SLC11A2: variants seen among roughly 807,000 people sequenced by gnomAD.
The protein encoded by SLC11A2 is solute carrier family 11 member 2, also known as natural resistance-associated macrophage protein 2.
In SLC11A2, 38 loss-of-function variants were observed where a neutral mutation model predicts 68.0. The observed-to-expected ratio is 0.56, with a 90% CI of 0.43 to 0.73. The LOEUF (loss-of-function observed/expected upper bound fraction) is 0.73, where lower values mean the gene tolerates loss of function less well. Ranked by LOEUF, SLC11A2 falls within the 30% of genes least tolerant of loss-of-function variation. The pLI, the probability that SLC11A2 is intolerant of heterozygous loss-of-function variation, is 0.00. For missense variants in SLC11A2, 517 were observed against 690.5 expected (o/e 0.75, Z 2.82); for synonymous variants, 242 against 250.6 (o/e 0.97, Z 0.32).
At chr12:51,016,672 A>G (rs1223056525) in intron 1 of SLC11A2, among the ~76,000 whole-genome samples, 1 of 98,448 alleles carries the variant, frequency 1.0e-5, no homozygotes, top group Non-Finnish European at 2.0e-5. Flanking sequence ...GCAGGGGGAG[A>G]CTCCATCTCA....
chr12:51,013,183 C>T (rs545905330), intron 1 of SLC11A2, among the ~76,000 whole-genome samples: 1 of 152,190 alleles, frequency 6.6e-6, no homozygotes, highest in African/African-American at 2.4e-5. Context: ...ATGAGGCAAA[C>T]AGTCCTTCCT....
chr12:51,010,891 G>C (rs1943163985), intron 1 of SLC11A2, 125 bp from the exon 2 acceptor site: 1 of 499,206 alleles, frequency 2.0e-6, no homozygotes. Context: ...TACTGAATTA[G>C]GTAACCTTGA....
intron 1 of SLC11A2, among the ~76,000 whole-genome samples, chr12:51,015,866 A>G (rs1480525563): frequency 1.3e-5 from 2 of 152,214 alleles, no homozygotes; most frequent in Non-Finnish European, 2.9e-5. Flanking sequence ...TCATGGTTAA[A>G]TGTAATATGA....
At chr12:50,979,976 A>G (rs775795278), downstream of SLC11A2, 6 of 453,732 alleles carry the variant, frequency 1.3e-5, no homozygotes, top group African/African-American at 1.2e-4. Context: ...CTATAATCTC[A>G]GCACTTTGGG....
chr12:51,027,032 C>G (rs35656976), upstream of SLC11A2, among the ~76,000 whole-genome samples: 2 of 151,974 alleles, frequency 1.3e-5, no homozygotes, highest in African/African-American at 2.4e-5. Context: ...CAAAATTAGC[C>G]GGGCGTGGTG....
intron 15 of SLC11A2, among the ~76,000 whole-genome samples, chr12:50,989,789 A>G (rs72563145): frequency 1.3e-3 from 194 of 152,322 alleles, no homozygotes; most frequent in African/African-American, 4.6e-3. Context: ...TTAATAAAGT[A>G]TCTAATGTGT....
In SLC11A2 at chr12:51,008,615, GA is replaced by G; in HGVS notation, c.43del (p.Ser15LeufsTer66). On this transcript the variant is annotated frameshift_variant, in exon 3 of 16. Transcript: ENST00000262052. LOFTEE classifies it high-confidence loss of function. ...PEQKMSDDSVSGDHGESASLG... is the reference protein window; with the variant it reads ...PEQKMSDDSVXGDHGESASLG... ...ACTGGCAGACTCCCCATGATCTCCA[GA>G]AACACTGTCTGAATTAACAGATTTG... 6.2e-7 allele frequency: 1 copy of G among 1,611,890 alleles called. No homozygotes were observed. The highest frequency in any genetic ancestry group is 8.5e-7 in the Non-Finnish European group (1 of 1,178,088).
chr12:50,969,334 G>C, the SLC11A2 span, among the ~76,000 whole-genome samples: 1 of 151,922 alleles, frequency 6.6e-6, no homozygotes, highest in Non-Finnish European at 1.5e-5. Flanking sequence ...CAGATTTTGA[G>C]AGGCATGCTC....
At chr12:51,000,914 C>T (rs1442217046) in intron 5 of SLC11A2, among the ~76,000 whole-genome samples, 2 of 151,990 alleles carry the variant, frequency 1.3e-5, no homozygotes, top group East Asian at 3.9e-4. Context: ...ACCTGTAATC[C>T]CAGCACTTTG....
chr12:51,005,689 ATAACAG>A (rs1592382048), intron 3 of SLC11A2: 1 of 1,325,656 alleles, frequency 7.5e-7, no homozygotes, highest in East Asian at 4.7e-5. Context: ...TAAAACCAGA[ATAACAG>A]TATCAGTACC....
At chr12:50,952,789 G>A in the SLC11A2 span, among the ~76,000 whole-genome samples, 2 of 152,204 alleles carry the variant, frequency 1.3e-5, no homozygotes, top group African/African-American at 2.4e-5. Context: ...TGGCTAGGGC[G>A]TGTTTCCGAA....
chr12:51,000,982 T>A (rs763895221), intron 5 of SLC11A2, among the ~76,000 whole-genome samples: 3 of 151,890 alleles, frequency 2.0e-5, no homozygotes, highest in Non-Finnish European at 2.9e-5. Context: ...CTGGCCAACA[T>A]GGCGAAACCC....
At chr12:51,022,438 CAAAA>C (rs147670584) in intron 1 of SLC11A2, among the ~76,000 whole-genome samples, 14 of 118,250 alleles carry the variant, frequency 1.2e-4, no homozygotes, top group Admixed American at 1.9e-4. Context: ...TACTTTTTTC[CAAAA>C]AAAAAAAAAA....
At chr12:50,983,845 G>A (rs934875955), downstream of SLC11A2, among the ~76,000 whole-genome samples, 1 of 152,122 alleles carries the variant, frequency 6.6e-6, no homozygotes, top group Non-Finnish European at 1.5e-5. Context: ...GTGTGTGCCT[G>A]TAGTCCCAGT....
Position 50,992,091 on chromosome 12 carries a change from T to A in SLC11A2, c.1347+99A>T. On this transcript the variant is annotated intron_variant, in intron 13 of 15. Transcript: ENST00000262052. ...GACCACAACCATGCCTCTGTCTTCC[T>A]CTCAATATCCCCCCAGCACTCAGCT... is the stretch of plus-strand genomic sequence containing the variant. The A allele has an allele frequency of 7.5e-6, 9 of 1,192,762 alleles. No individual in the cohort carries two copies. In the South Asian group the frequency reaches 1.1e-4, roughly 15 times the overall value. 73.9% of individuals were successfully genotyped at this position (1,192,762 alleles called of 1,614,324 possible).
chr12:51,006,313 CAAA>C (rs1942730109), intron 3 of SLC11A2: 1 of 161,904 alleles, frequency 6.2e-6, no homozygotes, highest in Non-Finnish European at 1.3e-5. Context: ...AACAAACAAA[CAAA>C]CAAACAAACA....
At chr12:50,998,933 G>A (rs1183865710) in intron 8 of SLC11A2, among the ~76,000 whole-genome samples, 1 of 152,014 alleles carries the variant, frequency 6.6e-6, no homozygotes, top group Non-Finnish European at 1.5e-5. Flanking sequence ...ATCTAGTCTG[G>A]AAAGCCCTAA....
the SLC11A2 span, among the ~76,000 whole-genome samples, chr12:50,956,639 A>G: frequency 5.9e-5 from 9 of 152,118 alleles, no homozygotes; most frequent in Admixed American, 1.3e-4. Context: ...TTGACAGATT[A>G]TTTGGCTTTG....
rs754965045 is a variant in SLC11A2 at position 50,991,602 on chromosome 12, C to T, written c.1418G>A (p.Gly473Glu). ...GAACGAAGAGGAGTACACTCACAGT[C>T]CATTGGCAAAGTCACTCATTACTGG... ...LRPVMSDFAN[G>E]LGWRIAGGIL... The change falls in exon 14 of 16, where the codon GGA (glycine) becomes GAA (glutamate). Residue 473 changes from glycine to glutamate, a missense_variant. Transcript: ENST00000262052. The T allele has an allele frequency of 3.7e-6, 6 of 1,613,514 alleles. No homozygotes were observed. The South Asian group carries it at 6.6e-5, about 18-fold the overall frequency.
Sources: gnomAD v4.1 joint callset for allele counts (sites outside exome capture counted in the v4.1 genomes callset) on GRCh38, gnomAD v4.1.1 for gene constraint, MANE v1.5 for transcripts, NCBI Gene and HGNC (gene_info 2026-07-23, HGNC 2026-07-21) for gene names.